The following RBM23 variants were observed in gnomAD, a reference collection of about 807,000 sequenced individuals.
RBM23 encodes RNA binding motif protein 23, also known as probable RNA-binding protein 23.
A neutral mutation model predicts 56.2 loss-of-function variants in RBM23; 53 were observed. The ratio of observed to expected loss-of-function variants is 0.94; its 90% confidence interval spans 0.76 to 1.19. The LOEUF (loss-of-function observed/expected upper bound fraction) is 1.19, where lower values mean the gene tolerates loss of function less well. RBM23 is among the 50% of genes most tolerant of loss of function. The pLI is 0.00. For synonymous variants in RBM23, 197 were observed against 198.5 expected (o/e 0.99, Z 0.06); for missense variants, 642 against 590.3 (o/e 1.09, Z -0.91).
chr14:22,914,856 G>A (rs890971409), intron 1 of RBM23, among the ~76,000 whole-genome samples: 14 of 151,310 alleles, frequency 9.3e-5, no homozygotes, highest in Admixed American at 7.9e-4. Context: ...GGTGGTGGGC[G>A]CCTGTAGTCC....
rs1407626700 is a variant in RBM23 at position 22,902,272 on chromosome 14, T to A, written c.1041A>T (p.Thr347=). 6.2e-7 allele frequency: 1 copy of A among 1,614,198 alleles called. No individual in the cohort carries two copies. The highest frequency in any genetic ancestry group is 2.2e-5 in the East Asian group (1 of 44,884). ...GHVTERLDGG[T]DITFPDGDQE... The stretch of plus-strand genomic sequence containing the variant: ...GGTCCCCATCAGGAAAAGTGATGTC[T>A]GTGCCACCATCCAGTCGCTCAGTCA... Residue 347 remains threonine (T), a synonymous_variant, in exon 11 of 14, where the codon ACA becomes ACT. Coordinates refer to ENST00000359890, the MANE Select transcript of RBM23 (RefSeq NM_001077351.2).
In RBM23 at chr14:22,903,801, C is replaced by T. The variant is rs144804815; in HGVS notation, c.930+460G>A. ...AATTAGGTGGCCTCACTATTCTCCC[C>T]ATAGTGCTACGTTAATAACTGATCC... On this transcript the variant is annotated intron_variant, in intron 10 of 13. Coordinates refer to ENST00000359890, the MANE Select transcript of RBM23 (RefSeq NM_001077351.2). 5.7e-6 allele frequency: 6 copies of T among 1,043,716 alleles called. No homozygotes were observed. In the African/African-American group the frequency reaches 6.8e-5, roughly 12 times the overall value. 64.7% of individuals were successfully genotyped at this position (1,043,716 alleles called of 1,614,324 possible). A position where few individuals can be genotyped will look rare whatever the true frequency, so the allele number is the denominator to read the frequency against.
chr14:22,904,166 C>T lies in RBM23; in HGVS notation c.930+95G>A, dbSNP rs776750119. 9 of 1,602,372 alleles carry T rather than the reference C, an allele frequency of 5.6e-6. No individual in the cohort carries two copies. In the East Asian group the frequency reaches 1.4e-4, roughly 24 times the overall value. On this transcript the variant is annotated intron_variant, in intron 10 of 13. Coordinates refer to ENST00000359890, the MANE Select transcript of RBM23 (RefSeq NM_001077351.2). Reference sequence around the variant, plus strand: ...CACCAGGGTTTATGGGTCATTTAGACAGTTCCTAAAGGAGGAGGATGAAGC... The same window carrying T: ...CACCAGGGTTTATGGGTCATTTAGATAGTTCCTAAAGGAGGAGGATGAAGC...
Position 22,905,135 on chromosome 14 carries a change from G to A in RBM23, c.685C>T (p.Gln229Ter). The change falls in exon 8 of 14, where the codon CAG becomes TAG. Residue 229 changes from glutamine (Q) to a stop codon, truncating the protein, a stop_gained. Transcript: ENST00000359890. LOFTEE classifies it high-confidence loss of function. ...ATGATAGGCACTCCCAGCAACCGCT[G>A]CCCAGTCAGCCCAATGGCCAGTGGC... The part of the protein sequence containing the change: ...SVPLAIGLTG[Q>*]RLLGVPIIVQ... 6.2e-7 allele frequency: 1 copy of A among 1,614,152 alleles called. No individual in the cohort carries two copies. The highest frequency in any genetic ancestry group is 8.5e-7 in the Non-Finnish European group (1 of 1,179,988).
Position 22,905,109 on chromosome 14 carries a change from AATG to A in RBM23, c.708_710del (p.Ile237del), listed in dbSNP as rs2041299697. On this transcript the variant is annotated inframe_deletion, in exon 8 of 14. Coordinates refer to ENST00000359890, the MANE Select transcript of RBM23 (RefSeq NM_001077351.2). ...GCCTGCTCACCTGTGAAGCCTGTAC[AATG>A]ATAGGCACTCCCAGCAACCGCTGCC... 6.2e-7 allele frequency: 1 copy of A among 1,614,072 alleles called. No homozygotes were observed. The highest frequency in any genetic ancestry group is 8.5e-7 in the Non-Finnish European group (1 of 1,179,938).
At chr14:22,906,074 G>T in intron 5 of RBM23, 121 bp downstream of exon 5, 2 of 1,202,022 alleles carry the variant, frequency 1.7e-6, no homozygotes, top group Non-Finnish European at 2.3e-6. Context: ...CCCTTTCTGT[G>T]CCTGAGTATC....
chr14:22,902,657 T>C (rs2040768797), intron 10 of RBM23: 6 of 1,141,570 alleles, frequency 5.3e-6, no homozygotes, highest in Non-Finnish European at 5.4e-6. Context: ...AAACCTAGCC[T>C]GACAAGTTAT....
At chr14:22,904,457 C>A (rs1594250057) in intron 9 of RBM23, 131 bp from the exon 10 acceptor site, 1 of 741,336 alleles carries the variant, frequency 1.3e-6, no homozygotes. Flanking sequence ...GCCTGGGTGA[C>A]AGAGTGAGAC....
At chr14:22,906,733 T>C (rs1240404275) in intron 4 of RBM23, among the ~76,000 whole-genome samples, 3 of 152,206 alleles carry the variant, frequency 2.0e-5, no homozygotes, top group Non-Finnish European at 2.9e-5. Context: ...AAATATGTCA[T>C]TTAATAGAAA....
At chr14:22,910,578 T>A (rs1275167384) in intron 2 of RBM23, among the ~76,000 whole-genome samples, 1 of 145,846 alleles carries the variant, frequency 6.9e-6, no homozygotes, top group East Asian at 2.1e-4. Flanking sequence ...AGCAAGCAAA[T>A]TGCTGTTAAG....
intron 13 of RBM23, 25 bp from the exon 14 acceptor site, chr14:22,901,758 A>G: frequency 1.2e-6 from 2 of 1,613,922 alleles, no homozygotes; most frequent in South Asian, 1.1e-5. Flanking sequence ...GGTAAATGGG[A>G]AGCCAAAGGA....
intron 4 of RBM23, among the ~76,000 whole-genome samples, chr14:22,907,902 A>G (rs1239805354): frequency 6.6e-6 from 1 of 152,270 alleles, no homozygotes; most frequent in Non-Finnish European, 1.5e-5. Flanking sequence ...TAATGTTTAA[A>G]AAGTAAAAGA....
At chr14:22,904,370 A>C (rs1594248346) in intron 9 of RBM23, 44 bp from the exon 10 acceptor site, 1 of 1,488,746 alleles carries the variant, frequency 6.7e-7, no homozygotes, top group Non-Finnish European at 9.3e-7. Context: ...TGACTAGCCC[A>C]CATCTTCAAT....
chr14:22,906,042 A>G (rs8015121), intron 5 of RBM23, 153 bp downstream of exon 5: 702,798 of 893,138 alleles, frequency 0.79, 278,713 homozygotes, highest in East Asian at 0.97. Context: ...GAGCCACCAC[A>G]CCAGTAAATT....
intron 5 of RBM23, 24 bp downstream of exon 5, chr14:22,906,171 G>C: frequency 1.2e-6 from 2 of 1,611,972 alleles, no homozygotes; most frequent in East Asian, 2.2e-5. Context: ...ATACAAAAGT[G>C]AATCTATTAG....
chr14:22,908,558 A>C (rs1332642139), intron 3 of RBM23, 178 bp from the exon 4 acceptor site: 2 of 575,748 alleles, frequency 3.5e-6, no homozygotes, highest in African/African-American at 1.9e-5. Context: ...ATGCCCAGCT[A>C]ATTTTTTATA....
chr14:22,903,901 G>A, intron 10 of RBM23: 1 of 1,192,502 alleles, frequency 8.4e-7, no homozygotes, highest in South Asian at 1.7e-5. Context: ...TCCCTGTTAT[G>A]AGAAACATCA....
chr14:22,918,765 T>C (rs2044043622), intron 1 of RBM23, among the ~76,000 whole-genome samples: 1 of 152,184 alleles, frequency 6.6e-6, no homozygotes, highest in Non-Finnish European at 1.5e-5. Flanking sequence ...ACCGCATCTT[T>C]ATCGGTGCAA....
chr14:22,916,705 T>C (rs1227705125), intron 1 of RBM23, among the ~76,000 whole-genome samples: 2 of 152,062 alleles, frequency 1.3e-5, no homozygotes, highest in African/African-American at 2.4e-5. Context: ...TACTTTTAAA[T>C]ATATACTCAC....
Sources: gnomAD v4.1 joint callset for allele counts (sites outside exome capture counted in the v4.1 genomes callset) on GRCh38, gnomAD v4.1.1 for gene constraint, MANE v1.5 for transcripts, NCBI Gene and HGNC (gene_info 2026-07-23, HGNC 2026-07-21) for gene names.